Variants in TMEM68 observed in about 807,000 individuals in gnomAD.
TMEM68 encodes the protein DGAT1/2-independent enzyme synthesizing storage lipids.
TMEM68 carries 25 observed loss-of-function variants against 36.9 expected under a neutral mutation model. The observed-to-expected ratio is 0.68, with a 90% confidence interval of 0.49 to 0.95. The LOEUF (loss-of-function observed/expected upper bound fraction) is 0.95. TMEM68 is among the 40% of genes least tolerant of loss of function. The pLI is 0.00. For missense variants in TMEM68, 333 were observed against 392.0 expected (o/e 0.85, Z 1.27); for synonymous variants, 131 against 124.4 (o/e 1.05, Z -0.35).
In TMEM68 at chr8:55,762,975, A is replaced by G; in HGVS notation, c.-16T>C. On this transcript the variant is annotated 5_prime_UTR_variant, in exon 3 of 8. Coordinates refer to ENST00000434581, the MANE Select transcript of TMEM68 (RefSeq NM_001286657.2). ...TGTCTATCATTTTTCTTCAGGTGAA[A>G]ATGACAAATTCAGTTTCTTTCTTCA... The G allele has an allele frequency of 1.3e-6, 2 of 1,564,570 alleles. No homozygotes were observed. The highest frequency in any genetic ancestry group is 1.7e-6 in the Non-Finnish European group (2 of 1,157,590).
chr8:55,754,466 TACACACACAC>T (rs71256558), intron 4 of TMEM68, among the ~76,000 whole-genome samples: 2 of 118,960 alleles, frequency 1.7e-5, no homozygotes, highest in African/African-American at 7.2e-5. Context: ...TATATATATA[TACACACACAC>T]ACACACACAC....
At chr8:55,756,161 A>C in intron 4 of TMEM68, 83 bp downstream of exon 4, 1 of 1,234,280 alleles carries the variant, frequency 8.1e-7, no homozygotes, top group Non-Finnish European at 1.1e-6. Context: ...AAATGACGTT[A>C]GAGAGCTCAG....
rs1356073094 is a variant in TMEM68, at chr8:55,763,924, C to A, written c.-70+12G>T. On this transcript the variant is annotated intron_variant, in intron 2 of 7. Coordinates refer to ENST00000434581, the MANE Select transcript of TMEM68 (RefSeq NM_001286657.2). ...TTACAAATTCACTCTCTAAAACAGT[C>A]ATTGGACTTACCAGAAGTTAGATAA... The A allele has an allele frequency of 6.6e-6, 1 of 152,152 alleles. No homozygotes were observed. The highest frequency in any genetic ancestry group is 1.5e-5 in the Non-Finnish European group (1 of 68,044). 9.4% of individuals were successfully genotyped at this position (152,152 alleles called of 1,614,324 possible). A position where few individuals can be genotyped will look rare whatever the true frequency, so the allele number is the denominator to read the frequency against.
At chr8:55,759,257 C>CA (rs66513921) in intron 3 of TMEM68, among the ~76,000 whole-genome samples, 10,160 of 121,860 alleles carry the variant, frequency 0.083, 1,025 homozygotes, top group African/African-American at 0.23. Flanking sequence ...CCTGTCTCTA[C>CA]AAAAAAAAAA....
At chr8:55,766,128 G>A (rs1417579801) in intron 1 of TMEM68, among the ~76,000 whole-genome samples, 1 of 152,130 alleles carries the variant, frequency 6.6e-6, no homozygotes, top group African/African-American at 2.4e-5. Context: ...CACGGGAGTA[G>A]GGGAAAGGAG....
chr8:55,740,850 T>C (rs1455557398), intron 7 of TMEM68, among the ~76,000 whole-genome samples: 1 of 152,152 alleles, frequency 6.6e-6, no homozygotes, highest in Non-Finnish European at 1.5e-5. Flanking sequence ...TGAGTCATCA[T>C]GAACTATGTA....
At chr8:55,761,369 T>C (rs1221379342) in intron 3 of TMEM68, 1 of 152,256 alleles carries the variant, frequency 6.6e-6, no homozygotes, top group African/African-American at 2.4e-5. Flanking sequence ...TTGGAGCACT[T>C]CCAGTTCATG....
chr8:55,746,913 A>G (rs1314649923), intron 5 of TMEM68: 1 of 152,244 alleles, frequency 6.6e-6, no homozygotes. Flanking sequence ...GCTAACAGAA[A>G]GTGAGATGGA....
Position 55,756,308 on chromosome 8 carries a change from T to G in TMEM68, c.429A>C (p.Lys143Asn). 6.2e-7 allele frequency: 1 copy of G among 1,607,770 alleles called. No individual in the cohort carries two copies. Among genetic ancestry groups the G allele is most frequent in the Non-Finnish European group, 8.5e-7 (1 of 1,178,302 alleles). The part of the protein sequence containing the change: ...IPIDFYYFMA[K>N]IFIHKGRTCR... ...AAGTTCTGCCTTTGTGTATAAATATTTTAGCCATGAAATAGTAAAAATCTA... is the reference window on the plus strand; with the variant it reads ...AAGTTCTGCCTTTGTGTATAAATATGTTAGCCATGAAATAGTAAAAATCTA... The change falls in exon 4 of 8, where the codon AAA becomes AAC. Residue 143 changes from lysine to asparagine, a missense_variant. Physicochemically the swap from Lys to Asn is moderately conservative, Grantham distance 94 (BLOSUM62 0). Transcript: ENST00000434581.
At chr8:55,759,484 T>C (rs1014155327) in intron 3 of TMEM68, among the ~76,000 whole-genome samples, 1 of 151,922 alleles carries the variant, frequency 6.6e-6, no homozygotes, top group Non-Finnish European at 1.5e-5. Flanking sequence ...GGCAGGAGAA[T>C]CGCTCGAACT....
intron 4 of TMEM68, among the ~76,000 whole-genome samples, chr8:55,753,486 G>C (rs1810479657): frequency 6.6e-6 from 1 of 152,168 alleles, no homozygotes; most frequent in African/African-American, 2.4e-5. Flanking sequence ...GATCATGTTA[G>C]TTTTTAACAG....
chr8:55,746,705 G>C (rs1810287915), intron 5 of TMEM68: 1 of 152,100 alleles, frequency 6.6e-6, no homozygotes. Context: ...CTAAGCTTTG[G>C]AAAACAGTAA....
intron 1 of TMEM68, among the ~76,000 whole-genome samples, chr8:55,771,633 T>A (rs1232011620): frequency 1.3e-5 from 2 of 151,956 alleles, no homozygotes; most frequent in African/African-American, 2.4e-5. Context: ...AATAAATAAA[T>A]AAATAAATAA....
chr8:55,752,941 G>A (rs946893890), intron 4 of TMEM68, among the ~76,000 whole-genome samples: 6 of 151,798 alleles, frequency 4.0e-5, no homozygotes, highest in Non-Finnish European at 5.9e-5. Context: ...ATGTTGCCCA[G>A]GGTGGTTTCA....
intron 1 of TMEM68, among the ~76,000 whole-genome samples, chr8:55,770,539 G>A (rs1266481861): frequency 3.3e-5 from 5 of 152,236 alleles, no homozygotes; most frequent in Non-Finnish European, 5.9e-5. Flanking sequence ...CAGGCATGGT[G>A]GCACGTTCCT....
At chr8:55,766,373 CTTTTTTT>C (rs768070569) in intron 1 of TMEM68, among the ~76,000 whole-genome samples, 1 of 113,066 alleles carries the variant, frequency 8.8e-6, no homozygotes, top group African/African-American at 3.2e-5. Context: ...TCTATGCACG[CTTTTTTT>C]TTTTTTTTTT....
At chr8:55,762,386 T>C (rs1425188192) in intron 3 of TMEM68, 1 of 468,638 alleles carries the variant, frequency 2.1e-6, no homozygotes, top group Non-Finnish European at 3.6e-6. Flanking sequence ...ATATAAATTT[T>C]CTTATTTCAA....
intron 4 of TMEM68, among the ~76,000 whole-genome samples, chr8:55,755,662 T>C (rs1810583564): frequency 1.3e-5 from 2 of 151,866 alleles, no homozygotes; most frequent in South Asian, 4.2e-4. Context: ...TATAACAAAA[T>C]TAAACTCCAA....
intron 1 of TMEM68, among the ~76,000 whole-genome samples, chr8:55,769,018 T>TTAAAAATAAAAAAAAAAAAAAAA (rs1554556017): frequency 1.2e-5 from 1 of 82,094 alleles, no homozygotes; most frequent in East Asian, 3.5e-4. Flanking sequence ...ACTCTGTCTT[T>TTAAAAATAAAAAAAAAAAAAAAA]AAAAAAAAAA....
Sources: gnomAD v4.1 joint callset for allele counts (sites outside exome capture counted in the v4.1 genomes callset) on GRCh38, gnomAD v4.1.1 for gene constraint, MANE v1.5 for transcripts, NCBI Gene and HGNC (gene_info 2026-07-23, HGNC 2026-07-21) for gene names.